The following NSUN6 variants were observed in gnomAD, a reference collection of about 807,000 sequenced individuals.
The protein encoded by NSUN6 is tRNA (cytosine(72)-C(5))-methyltransferase NSUN6.
A neutral mutation model predicts 58.0 loss-of-function variants in NSUN6; 64 were observed. The ratio of observed to expected loss-of-function variants is 1.10; its 90% CI spans 0.90 to 1.36. The LOEUF is 1.36. Among genes scored for constraint, NSUN6 ranks in the 40% most tolerant of loss-of-function variants. NSUN6 has a pLI of 0.00. For missense variants in NSUN6, 701 were observed against 550.1 expected, an observed-to-expected ratio of 1.27 and a Z score of -2.74; for synonymous variants, 231 against 193.9, an observed-to-expected ratio of 1.19 and a Z score of -1.59.
intron 3 of NSUN6, among the ~76,000 whole-genome samples, chr10:18,640,281 AG>A (rs1413409700): frequency 2.6e-5 from 4 of 152,212 alleles, no homozygotes; most frequent in African/African-American, 9.6e-5. Context: ...TTTGATGCTC[AG>A]AGAAACAAAA....
chr10:18,566,631 TCCATTCCATTTC>T (rs907489707), intron 8 of NSUN6, among the ~76,000 whole-genome samples: 3 of 151,466 alleles, frequency 2.0e-5, no homozygotes, highest in African/African-American at 7.3e-5. Context: ...TCCATTCTAT[TCCATTCCATTTC>T]CCATTCCATT....
At chr10:18,591,214 A>G (rs2057365633) in intron 7 of NSUN6, among the ~76,000 whole-genome samples, 1 of 152,184 alleles carries the variant, frequency 6.6e-6, no homozygotes. Context: ...GAATAGACCA[A>G]TAACAAGTTC....
intron 6 of NSUN6, 78 bp downstream of exon 6, chr10:18,609,767 T>A: frequency 1.2e-6 from 1 of 856,058 alleles, no homozygotes; most frequent in Admixed American, 2.2e-5. Context: ...TCTTAAATTT[T>A]AAAATATCCT....
chr10:18,617,851 A>G (rs2058467552), intron 3 of NSUN6, among the ~76,000 whole-genome samples: 1 of 152,206 alleles, frequency 6.6e-6, no homozygotes, highest in Non-Finnish European at 1.5e-5. Flanking sequence ...GGCTTGCAGC[A>G]GTGAGTTTGC....
Position 18,545,758 on chromosome 10 carries a change from A to G in NSUN6, c.*175T>C, listed in dbSNP as rs2133363028. 1.7e-6 allele frequency: 1 copy of G among 572,066 alleles called. No individual in the cohort carries two copies. The highest frequency in any genetic ancestry group is 3.1e-5 in the East Asian group (1 of 32,722). 35.4% of individuals were successfully genotyped at this position (572,066 alleles called of 1,614,324 possible). ...TTAAAAACAGAAAATATAATCTCATACCACCCCCTACTTCCTCTATGTCTC... is the reference window on the plus strand; with the variant it reads ...TTAAAAACAGAAAATATAATCTCATGCCACCCCCTACTTCCTCTATGTCTC... On this transcript the variant is annotated 3_prime_UTR_variant, in exon 11 of 11. Transcript: ENST00000377304.
At chr10:18,570,745 CTCCATTCCATTCTCCAT>C (rs1351339758) in intron 8 of NSUN6, among the ~76,000 whole-genome samples, 5 of 144,222 alleles carry the variant, frequency 3.5e-5, no homozygotes, top group Admixed American at 6.9e-5. Flanking sequence ...TCATTCCATT[CTCCATTCCATTCTCCAT>C]TCCATTCCAT....
At chr10:18,642,336 T>G (rs1483906579) in intron 3 of NSUN6, 140 bp downstream of exon 3, 8 of 570,418 alleles carry the variant, frequency 1.4e-5, no homozygotes, top group Non-Finnish European at 2.5e-5. Flanking sequence ...AGTCTGCATT[T>G]ATGAAGTTTT....
upstream of NSUN6, chr10:18,654,986 G>C (rs898570156): frequency 1.1e-5 from 8 of 755,824 alleles, no homozygotes; most frequent in East Asian, 7.7e-4. Context: ...TCTTGGATTG[G>C]TTCATCTTTA....
chr10:18,565,536 T>A (rs1347713537), intron 8 of NSUN6, among the ~76,000 whole-genome samples: 1 of 150,134 alleles, frequency 6.7e-6, no homozygotes, highest in African/African-American at 2.4e-5. Context: ...TACATTACAT[T>A]CTCCATTCTC....
At chr10:18,606,610 T>C (rs1041601133) in intron 6 of NSUN6, among the ~76,000 whole-genome samples, 2 of 152,222 alleles carry the variant, frequency 1.3e-5, no homozygotes, top group Non-Finnish European at 2.9e-5. Context: ...AAATGTACCA[T>C]GGTAGTATAT....
At chr10:18,653,495 C>G (rs1157847807), upstream of NSUN6, 1 of 165,000 alleles carries the variant, frequency 6.1e-6, no homozygotes, top group African/African-American at 2.4e-5. Flanking sequence ...CCTCAGCCTC[C>G]CCAGTAGCTG....
In NSUN6 at chr10:18,573,897, T is replaced by C. The variant is rs375739066; in HGVS notation, c.922+12052A>G. On this transcript the variant is annotated intron_variant, in intron 8 of 10. Coordinates refer to ENST00000377304, the MANE Select transcript of NSUN6 (RefSeq NM_182543.5). ...TTAGTTGGATACTGCCACTTATGGA[T>C]TGACTCATATGCACTGCACAGTAAA... 1.2e-4 allele frequency among the ~76,000 whole-genome samples: 18 copies of C among 152,252 alleles called. No individual in the cohort carries two copies. The East Asian group carries it at 1.5e-3, about 13-fold the overall frequency.
intron 1 of NSUN6, among the ~76,000 whole-genome samples, chr10:18,649,899 G>A (rs1316232076): frequency 6.6e-6 from 1 of 152,056 alleles, no homozygotes; most frequent in Non-Finnish European, 1.5e-5. Context: ...TTTCCATACA[G>A]TCTAGTACCT....
chr10:18,628,656 C>T (rs1174010719), intron 3 of NSUN6, among the ~76,000 whole-genome samples: 15 of 151,860 alleles, frequency 9.9e-5, no homozygotes, highest in Admixed American at 2.6e-4. Context: ...AGGGTATCAG[C>T]GATGGAAGAT....
intron 8 of NSUN6, among the ~76,000 whole-genome samples, chr10:18,567,071 CTCCAT>C (rs1336497695): frequency 1.3e-5 from 2 of 148,578 alleles, no homozygotes; most frequent in South Asian, 2.1e-4. Context: ...CTATTCCATT[CTCCAT>C]TCCATTCCAT....
At chr10:18,551,562 T>C (rs1389735795) in intron 9 of NSUN6, among the ~76,000 whole-genome samples, 2 of 152,194 alleles carry the variant, frequency 1.3e-5, no homozygotes, top group East Asian at 3.8e-4. Context: ...CTTTTGTGTC[T>C]GGTTCATATT....
chr10:18,639,528 G>C (rs1305151601), intron 3 of NSUN6, among the ~76,000 whole-genome samples: 1 of 151,914 alleles, frequency 6.6e-6, no homozygotes, highest in Admixed American at 6.6e-5. Flanking sequence ...TTTAAAAACA[G>C]ATACTTAATA....
chr10:18,652,238 TCATAAG>T (rs2131616152), upstream of NSUN6: 1 of 984,130 alleles, frequency 1.0e-6, no homozygotes, highest in African/African-American at 1.7e-5. Context: ...TTTTTTTTCA[TCATAAG>T]CAGACAAGGA....
intron 9 of NSUN6, among the ~76,000 whole-genome samples, chr10:18,548,985 C>T (rs1192599165): frequency 6.6e-6 from 1 of 152,192 alleles, no homozygotes; most frequent in Admixed American, 6.6e-5. Context: ...GTCCAAGCCT[C>T]TTTATCTTTT....
Sources: gnomAD v4.1 joint callset for allele counts (sites outside exome capture counted in the v4.1 genomes callset) on GRCh38, gnomAD v4.1.1 for gene constraint, MANE v1.5 for transcripts, NCBI Gene and HGNC (gene_info 2026-07-23, HGNC 2026-07-21) for gene names.